ARHGEF7: variants seen among roughly 807,000 people sequenced by gnomAD.
The protein encoded by ARHGEF7 is PAK-interacting exchange factor beta.
Under a neutral mutation model 109.8 loss-of-function variants are expected in ARHGEF7, and 33 were observed. The observed-to-expected ratio is 0.30, with a 90% CI of 0.23 to 0.40. ARHGEF7 has a LOEUF of 0.40. Ranked by LOEUF, ARHGEF7 falls within the 10% of genes least tolerant of loss-of-function variation. The probability of loss-of-function intolerance (pLI) is 1.00; values close to 1 mark genes in which losing one functional copy is unlikely to be tolerated. For synonymous variants in ARHGEF7, 458 were observed against 424.6 expected, an observed-to-expected ratio of 1.08 and a Z score of -0.97; for missense variants, 938 against 1,098.5, an observed-to-expected ratio of 0.85 and a Z score of 2.07.
intron 8 of ARHGEF7, among the ~76,000 whole-genome samples, chr13:111,247,418 G>A (rs1337461857): frequency 1.3e-5 from 2 of 151,964 alleles, no homozygotes; most frequent in Admixed American, 6.6e-5. Flanking sequence ...ACAGGCGTGC[G>A]CCACCATGCC....
intron 5 of ARHGEF7, 66 bp downstream of exon 5, chr13:111,217,946 A>C: frequency 6.9e-7 from 1 of 1,455,720 alleles, no homozygotes; most frequent in African/African-American, 1.4e-5. Context: ...AATGTACTTG[A>C]CATAGTGTTT....
rs932736956 is a variant in ARHGEF7 at position 111,272,756 on chromosome 13, C to T, written c.1074-1058C>T. Among the ~76,000 whole-genome samples the T allele has an allele frequency of 1.3e-5, 2 of 152,176 alleles. No individual in the cohort carries two copies. The highest frequency in any genetic ancestry group is 4.8e-5 in the African/African-American group (2 of 41,440). On this transcript the variant is annotated intron_variant, in intron 9 of 21. Transcript: ENST00000646102. The surrounding 1 kb of genome is among the most constrained non-coding windows in gnomAD (Gnocchi z 5.2). ...TCCCCTCCTTTCTGTGGGCTGTACA[C>T]TGTCAGATGTGTGGACTGATGGCAC...
chr13:111,177,349 C>T (rs1002886832), intron 2 of ARHGEF7, among the ~76,000 whole-genome samples: 1 of 152,238 alleles, frequency 6.6e-6, no homozygotes, highest in African/African-American at 2.4e-5. Flanking sequence ...CCTCTACTCT[C>T]AAAGGAGTCC....
At chr13:111,222,279 G>A (rs1361743211) in intron 5 of ARHGEF7, among the ~76,000 whole-genome samples, 1 of 151,976 alleles carries the variant, frequency 6.6e-6, no homozygotes, top group Non-Finnish European at 1.5e-5. Context: ...TAAAATTCAA[G>A]AAATGTCATT....
At chr13:111,139,409 T>C (rs541157831) in intron 1 of ARHGEF7, among the ~76,000 whole-genome samples, 14 of 152,312 alleles carry the variant, frequency 9.2e-5, no homozygotes, top group African/African-American at 2.9e-4. Flanking sequence ...CCTCTCTGTC[T>C]CTCCCTCTCT....
At chr13:111,291,350 C>G (rs1316525342) in intron 18 of ARHGEF7, among the ~76,000 whole-genome samples, 1 of 152,278 alleles carries the variant, frequency 6.6e-6, no homozygotes, top group East Asian at 1.9e-4. Context: ...TGGGACGTTG[C>G]CAGTTCATGT....
intron 4 of ARHGEF7, among the ~76,000 whole-genome samples, chr13:111,213,950 A>G (rs1364481714): frequency 2.0e-5 from 3 of 152,118 alleles, no homozygotes; most frequent in Non-Finnish European, 4.4e-5. Context: ...GGCATGTTCT[A>G]AGTAACCTGT....
At chr13:111,274,618 G>C in intron 10 of ARHGEF7, 113 bp from the exon 11 acceptor site, 1 of 483,334 alleles carries the variant, frequency 2.1e-6, no homozygotes, top group Non-Finnish European at 3.6e-6. Context: ...GGGAAAAAGG[G>C]AATGTTAAGG....
chr13:111,249,780 C>A (rs573572807), intron 8 of ARHGEF7, among the ~76,000 whole-genome samples: 3 of 152,132 alleles, frequency 2.0e-5, no homozygotes, highest in Admixed American at 6.5e-5. Flanking sequence ...GGAAGGCCAT[C>A]TGGGGAGCTA....
At chr13:111,168,593 G>T (rs142520581) in intron 2 of ARHGEF7, among the ~76,000 whole-genome samples, 1 of 152,256 alleles carries the variant, frequency 6.6e-6, no homozygotes, top group African/African-American at 2.4e-5. Context: ...TGATTGAAAA[G>T]GGATATCCTT....
In ARHGEF7 at chr13:111,283,834, A is replaced by G. The variant is rs568151521; in HGVS notation, c.1950+471A>G. On this transcript the variant is annotated intron_variant, in intron 16 of 21. Coordinates refer to ENST00000646102, the MANE Select transcript of ARHGEF7 (RefSeq NM_001354046.2). Reference sequence around the variant, plus strand: ...CATTTACTAATACAAATGAAAAACAATCACTTAGGCGGTTTCCCCCTTTGA... The same window carrying G: ...CATTTACTAATACAAATGAAAAACAGTCACTTAGGCGGTTTCCCCCTTTGA... Among the ~76,000 whole-genome samples, 10 of 152,300 alleles carry G rather than the reference A, an allele frequency of 6.6e-5. No homozygotes were observed. In the South Asian group the frequency reaches 8.3e-4, roughly 13 times the overall value.
intron 17 of ARHGEF7, among the ~76,000 whole-genome samples, chr13:111,288,041 C>G (rs569241494): frequency 2.6e-5 from 4 of 152,206 alleles, no homozygotes; most frequent in Non-Finnish European, 5.9e-5. Flanking sequence ...TTCCTTATTC[C>G]TATCTCCTGC....
At chr13:111,297,231 T>C (rs1567126465) in intron 19 of ARHGEF7, among the ~76,000 whole-genome samples, 1 of 152,234 alleles carries the variant, frequency 6.6e-6, no homozygotes, top group South Asian at 2.1e-4. Context: ...ACTAGGCAGA[T>C]TATTAGAATT....
intron 1 of ARHGEF7, among the ~76,000 whole-genome samples, chr13:111,122,234 G>A (rs2067245488): frequency 6.6e-6 from 1 of 152,186 alleles, no homozygotes; most frequent in Admixed American, 6.5e-5. Context: ...GGGAGCGGGA[G>A]GGCTGAGCGG....
intron 19 of ARHGEF7, chr13:111,292,532 G>C (rs1033906925): frequency 7.1e-7 from 1 of 1,412,646 alleles, no homozygotes; most frequent in Non-Finnish European, 9.2e-7. Flanking sequence ...GGAGGGAGGT[G>C]GTGTGTTCAC....
intron 1 of ARHGEF7, among the ~76,000 whole-genome samples, chr13:111,143,103 G>A (rs545506774): frequency 6.6e-6 from 1 of 152,304 alleles, no homozygotes; most frequent in East Asian, 1.9e-4. Context: ...AACCCTAGAC[G>A]TCTGAGAACA....
intron 6 of ARHGEF7, chr13:111,241,477 G>A: frequency 1.2e-6 from 1 of 826,788 alleles, no homozygotes; most frequent in South Asian, 1.7e-5. Flanking sequence ...TGCATTGTTT[G>A]GTTGGGAGTA....
At chr13:111,194,005 A>G (rs1345124163) in intron 2 of ARHGEF7, among the ~76,000 whole-genome samples, 2 of 152,174 alleles carry the variant, frequency 1.3e-5, no homozygotes, top group African/African-American at 2.4e-5. Context: ...GGCACCTAGT[A>G]TGCCATTTAC....
chr13:111,168,016 G>C (rs1467079131), intron 2 of ARHGEF7, among the ~76,000 whole-genome samples: 2 of 152,118 alleles, frequency 1.3e-5, no homozygotes, highest in Non-Finnish European at 2.9e-5. Flanking sequence ...CAGGGTGACT[G>C]TCCAGCCTCG....
Sources: allele counts gnomAD v4.1 joint callset (sites outside exome capture counted in the v4.1 genomes callset), GRCh38; gene constraint gnomAD v4.1.1; non-coding constraint Gnocchi (gnomAD v3.1); transcripts MANE v1.5; gene names NCBI Gene and HGNC (gene_info 2026-07-23, HGNC 2026-07-21).